The following BLTP3A variants were observed in gnomAD, a reference collection of about 807,000 sequenced individuals.
BLTP3A encodes ICBP90 binding protein 1.
At chr6:34,872,579 G>A in the BLTP3A span, 20 of 1,100,548 alleles carry the variant, frequency 1.8e-5, no homozygotes, top group Non-Finnish European at 2.5e-5. Flanking sequence ...CACTTGTGTG[G>A]GTGTGCTTTC....
the BLTP3A span, among the ~76,000 whole-genome samples, chr6:34,821,022 T>C: frequency 1.3e-5 from 2 of 149,444 alleles, no homozygotes; most frequent in African/African-American, 5.0e-5. Flanking sequence ...AATGGCACGA[T>C]TTCAGCTCAC....
chr6:34,800,432 G>C, the BLTP3A span, among the ~76,000 whole-genome samples: 1 of 152,162 alleles, frequency 6.6e-6, no homozygotes, highest in African/African-American at 2.4e-5. Context: ...GATATATGTA[G>C]TGAGAATGCA....
At chr6:34,850,057 C>A in the BLTP3A span, among the ~76,000 whole-genome samples, 1 of 151,534 alleles carries the variant, frequency 6.6e-6, no homozygotes, top group South Asian at 2.1e-4. Flanking sequence ...GCAGGAGAAT[C>A]GCTTGAACCT....
the BLTP3A span, among the ~76,000 whole-genome samples, chr6:34,868,673 G>A: frequency 6.6e-6 from 1 of 151,258 alleles, no homozygotes; most frequent in South Asian, 2.1e-4. Flanking sequence ...GCAGTGAGCC[G>A]AGATCGCGCC....
chr6:34,838,761 A>G, the BLTP3A span, among the ~76,000 whole-genome samples: 42 of 152,312 alleles, frequency 2.8e-4, no homozygotes, highest in East Asian at 8.1e-3. Context: ...CCTGGGCAAC[A>G]TCGCAAAACC....
the BLTP3A span, among the ~76,000 whole-genome samples, chr6:34,816,942 A>G: frequency 6.6e-5 from 10 of 152,182 alleles, no homozygotes; most frequent in African/African-American, 2.4e-4. Context: ...ACCACTTAAG[A>G]TTAGAGGAAG....
chr6:34,844,302 G>A, the BLTP3A span, among the ~76,000 whole-genome samples: 1 of 151,994 alleles, frequency 6.6e-6, no homozygotes, highest in African/African-American at 2.4e-5. Context: ...TTGAGACAGA[G>A]TCTTGCTGTG....
chr6:34,835,179 T>C, the BLTP3A span: 7 of 1,143,208 alleles, frequency 6.1e-6, no homozygotes, highest in Non-Finnish European at 8.8e-6. Context: ...AAGTGCTTGA[T>C]ACTTTCACAT....
chr6:34,867,788 T>C, the BLTP3A span, among the ~76,000 whole-genome samples: 1 of 152,160 alleles, frequency 6.6e-6, no homozygotes, highest in African/African-American at 2.4e-5. Flanking sequence ...GCAAAGAGCC[T>C]CTCAGAGCTC....
chr6:34,805,571 C>T, the BLTP3A span, among the ~76,000 whole-genome samples: 1 of 138,998 alleles, frequency 7.2e-6, no homozygotes, highest in East Asian at 2.1e-4. Context: ...CCAGGCTGGG[C>T]AGCAGAAGGC....
the BLTP3A span, among the ~76,000 whole-genome samples, chr6:34,805,398 G>C: frequency 6.6e-6 from 1 of 151,914 alleles, no homozygotes; most frequent in Non-Finnish European, 1.5e-5. Flanking sequence ...TTTGAGACAA[G>C]CCTGGCCAAC....
chr6:34,815,925 T>C, the BLTP3A span, among the ~76,000 whole-genome samples: 1 of 152,116 alleles, frequency 6.6e-6, no homozygotes, highest in African/African-American at 2.4e-5. Context: ...GGATTACAGG[T>C]GTGAGCAACC....
chr6:34,829,022 C>T, the BLTP3A span, among the ~76,000 whole-genome samples: 2 of 57,246 alleles, frequency 3.5e-5, no homozygotes, highest in African/African-American at 1.1e-4. Context: ...AGTGAAACTC[C>T]ATCTCAAAAA....
chr6:34,799,535 G>C, the BLTP3A span, among the ~76,000 whole-genome samples: 42 of 152,090 alleles, frequency 2.8e-4, no homozygotes, highest in African/African-American at 8.7e-4. Flanking sequence ...TTTCAAAGCA[G>C]TACTGTAGTA....
the BLTP3A span, among the ~76,000 whole-genome samples, chr6:34,829,334 T>C: frequency 6.6e-6 from 1 of 152,168 alleles, no homozygotes; most frequent in Non-Finnish European, 1.5e-5. Context: ...ATAAATGAAA[T>C]CATACACTGT....
chr6:34,806,527 G>A, the BLTP3A span, among the ~76,000 whole-genome samples: 1 of 152,060 alleles, frequency 6.6e-6, no homozygotes, highest in African/African-American at 2.4e-5. Context: ...TCAAAGTTAG[G>A]GTCAGTTCTG....
the BLTP3A span, among the ~76,000 whole-genome samples, chr6:34,865,894 C>CCATTACCTAG: frequency 6.6e-6 from 1 of 152,126 alleles, no homozygotes; most frequent in Non-Finnish European, 1.5e-5. Flanking sequence ...CCTCATACAC[C>CCATTACCTAG]CATTACCTAG....
the BLTP3A span, among the ~76,000 whole-genome samples, chr6:34,829,939 G>T: frequency 1.3e-5 from 2 of 152,228 alleles, no homozygotes; most frequent in East Asian, 3.9e-4. Flanking sequence ...CAAGTAGCTG[G>T]AACTATAGGC....
At chr6:34,828,809 C>T in the BLTP3A span, among the ~76,000 whole-genome samples, 3 of 151,712 alleles carry the variant, frequency 2.0e-5, no homozygotes, top group African/African-American at 7.3e-5. Flanking sequence ...GGGTGGATCG[C>T]CTGAAGTCAG....
Sources: gnomAD v4.1 joint callset for allele counts (sites outside exome capture counted in the v4.1 genomes callset) on GRCh38, gnomAD v4.1.1 for gene constraint, MANE v1.5 for transcripts, NCBI Gene and HGNC (gene_info 2026-07-23, HGNC 2026-07-21) for gene names.